Variants in ZNF484 observed in about 807,000 individuals in gnomAD.
ZNF484 encodes zinc finger protein 484, also known as KRAB box containing C2H2 type zinc finger bA526D8.4.
ZNF484 carries 11 observed loss-of-function variants against 12.9 expected under a neutral mutation model. That is an observed-to-expected ratio of 0.85 (90% CI 0.54 to 1.41). The LOEUF (loss-of-function observed/expected upper bound fraction) is 1.41, where lower values mean the gene tolerates loss of function less well. Ranked by LOEUF, ZNF484 falls within the 40% of genes most tolerant of loss-of-function variation. ZNF484 has a pLI of 0.00. For missense variants in ZNF484, 807 were observed against 1,007.7 expected (o/e 0.80, Z 2.70); for synonymous variants, 289 against 334.1 (o/e 0.86, Z 1.47).
At chr9:92,867,414 G>A (rs577077035) in intron 2 of ZNF484, among the ~76,000 whole-genome samples, 186 of 152,202 alleles carry the variant, frequency 1.2e-3, no homozygotes, top group African/African-American at 4.2e-3. Context: ...CCCGGGAGGC[G>A]GAGGTTGTGG....
intron 4 of ZNF484, among the ~76,000 whole-genome samples, chr9:92,851,717 TAC>T (rs1467775010): frequency 2.0e-5 from 3 of 152,226 alleles, no homozygotes; most frequent in Non-Finnish European, 4.4e-5. Flanking sequence ...AACCCAAACA[TAC>T]AGTCTTTTCA....
chr9:92,847,231 G>A lies in ZNF484; in HGVS notation c.1556C>T (p.Thr519Ile). ...SNLIKHQKIH[T>I]GEKPYKCSDC... Reference sequence around the variant, plus strand: ...GCTGCATTTATAAGGTTTCTCTCCAGTATGAATTTTTTGGTGCTTAATGAG... The same window carrying A: ...GCTGCATTTATAAGGTTTCTCTCCAATATGAATTTTTTGGTGCTTAATGAG... The change falls in exon 5 of 5, where the codon ACT (threonine) becomes ATT (isoleucine). Residue 519 changes from threonine to isoleucine, a missense_variant. Coordinates refer to ENST00000375495, the MANE Select transcript of ZNF484 (RefSeq NM_031486.4). 6.2e-7 allele frequency: 1 copy of A among 1,614,132 alleles called. No individual in the cohort carries two copies. Among genetic ancestry groups the A allele is most frequent in the Non-Finnish European group, 8.5e-7 (1 of 1,180,024 alleles).
At chr9:92,860,322 G>A (rs1856702733) in intron 2 of ZNF484, among the ~76,000 whole-genome samples, 1 of 152,158 alleles carries the variant, frequency 6.6e-6, no homozygotes, top group Non-Finnish European at 1.5e-5. Flanking sequence ...TATACTTGAG[G>A]CCAGGCGCGG....
chr9:92,877,741 C>G, intron 1 of ZNF484, 149 bp downstream of exon 1: 2 of 1,526,282 alleles, frequency 1.3e-6, no homozygotes, highest in Non-Finnish European at 8.8e-7. Flanking sequence ...TCAGTGCCCC[C>G]TCACTCCTCC....
At chr9:92,851,065 CACA>C (rs561011948) in intron 4 of ZNF484, among the ~76,000 whole-genome samples, 8 of 152,252 alleles carry the variant, frequency 5.3e-5, no homozygotes, top group Non-Finnish European at 8.8e-5. Context: ...ATGGCTGCTT[CACA>C]ACACTAGGTT....
intron 1 of ZNF484, among the ~76,000 whole-genome samples, chr9:92,876,812 C>T (rs2057457): frequency 0.67 from 101,492 of 152,024 alleles, 34,862 homozygotes; most frequent in African/African-American, 0.83. Flanking sequence ...ATTGTATCTC[C>T]TCCAGAATAT....
Position 92,846,761 on chromosome 9 carries a change from T to C in ZNF484, c.2026A>G (p.Lys676Glu). 6.2e-7 allele frequency: 1 copy of C among 1,614,044 alleles called. No homozygotes were observed. The highest frequency in any genetic ancestry group is 1.1e-5 in the South Asian group (1 of 91,080). Reference protein sequence around the residue: ...CSDCGKAFTRKSGLHIHQQSH... With the variant: ...CSDCGKAFTRESGLHIHQQSH... ...TGCTGATGTATATGGAGACCTGACT[T>C]CCTAGTGAAGGCTTTCCCACAGTCA... The change falls in exon 5 of 5, where the codon AAG becomes GAG. Residue 676 changes from lysine (K) to glutamate (E), a missense_variant. Coordinates refer to ENST00000375495, the MANE Select transcript of ZNF484 (RefSeq NM_031486.4).
In ZNF484 at chr9:92,877,901, C is replaced by T. The variant is rs1349314106; in HGVS notation, c.-42G>A. 3.3e-6 allele frequency: 5 copies of T among 1,533,566 alleles called. No homozygotes were observed. The highest frequency in any genetic ancestry group is 4.4e-6 in the Non-Finnish European group (5 of 1,145,102). The allele number at this position is 1,533,566 out of a possible 1,614,324, so 95.0% of individuals were successfully genotyped here. ...ATCCCTCTACTCACCTGCCCCTCAC[C>T]CACGTCCTCTCAGGACAGTGGTCAT... On this transcript the variant is annotated 5_prime_UTR_variant, in exon 1 of 5. Coordinates refer to ENST00000375495, the MANE Select transcript of ZNF484 (RefSeq NM_031486.4).
rs540404661 is a variant in ZNF484 at position 92,852,305 on chromosome 9, G to T, written c.235+3506C>A. ...TTTGTTTGTTTTTGTTTTTGTTTTT[G>T]TTTTCTGAGATAGAGTCTCACTTTG... On this transcript the variant is annotated intron_variant, in intron 4 of 4. Coordinates refer to ENST00000375495, the MANE Select transcript of ZNF484 (RefSeq NM_031486.4). Among the ~76,000 whole-genome samples, 756 of 152,180 alleles carry T rather than the reference G, an allele frequency of 5.0e-3. 4 individuals carry two copies. Among genetic ancestry groups the T allele is most frequent in the Middle Eastern group, 0.02 (6 of 294 alleles).
At chr9:92,870,685 A>G (rs935231416) in intron 2 of ZNF484, among the ~76,000 whole-genome samples, 1 of 152,214 alleles carries the variant, frequency 6.6e-6, no homozygotes, top group Non-Finnish European at 1.5e-5. Flanking sequence ...TGTCAAATGA[A>G]AACCCAAGAC....
chr9:92,875,097 G>T (rs1228949017), intron 1 of ZNF484, 38 bp from the exon 2 acceptor site: 35 of 1,600,252 alleles, frequency 2.2e-5, no homozygotes, highest in South Asian at 3.4e-5. Flanking sequence ...CATGAGAGAA[G>T]GAACTGTGCC....
intron 4 of ZNF484, among the ~76,000 whole-genome samples, chr9:92,850,796 C>T (rs1856028135): frequency 6.6e-6 from 1 of 152,056 alleles, no homozygotes; most frequent in African/African-American, 2.4e-5. Flanking sequence ...GGGGTTTCAC[C>T]ATGTTGGCCA....
rs753459673 is a variant in ZNF484 at position 92,846,882 on chromosome 9, G to T, written c.1905C>A (p.Pro635=). The change falls in exon 5 of 5, where the codon CCC becomes CCA. Residue 635 remains proline, a synonymous_variant. Transcript: ENST00000375495. ...CCTTTCCACATTCAGCACACCTATAGGGTTTCTCTCCTGTGTGAATCTGCT... is the reference window on the plus strand; with the variant it reads ...CCTTTCCACATTCAGCACACCTATATGGTTTCTCTCCTGTGTGAATCTGCT... The part of the protein sequence containing the change: ...VHQQIHTGEK[P]YRCAECGKAF... The T allele has an allele frequency of 5.3e-5, 85 of 1,612,246 alleles. No homozygotes were observed. Among genetic ancestry groups the T allele is most frequent in the Non-Finnish European group, 6.9e-5 (81 of 1,179,448 alleles).
intron 2 of ZNF484, among the ~76,000 whole-genome samples, chr9:92,873,145 TAGGC>T (rs547480139): frequency 5.9e-5 from 9 of 152,094 alleles, no homozygotes; most frequent in East Asian, 1.9e-4. Flanking sequence ...TCTCTCTCCA[TAGGC>T]AGGCAGGCAG....
At chr9:92,850,066 G>A (rs865964878) in intron 4 of ZNF484, among the ~76,000 whole-genome samples, 2 of 152,318 alleles carry the variant, frequency 1.3e-5, no homozygotes, top group African/African-American at 4.8e-5. Context: ...CTCCCAAAAT[G>A]TTGGGATTAC....
At chr9:92,877,817 G>A (rs1289168122) in intron 1 of ZNF484, 73 bp downstream of exon 1, 2 of 1,535,580 alleles carry the variant, frequency 1.3e-6, no homozygotes, top group African/African-American at 1.4e-5. Context: ...CCCCATCACT[G>A]ACCGGAAGGC....
chr9:92,861,391 C>T (rs1419409897), intron 2 of ZNF484, among the ~76,000 whole-genome samples: 1 of 152,082 alleles, frequency 6.6e-6, no homozygotes, highest in African/African-American at 2.4e-5. Context: ...AGTGTTGCAA[C>T]AAGCAGCTGT....
At position 92,846,210 on chromosome 9, in the gene ZNF484, A is replaced by G; in HGVS notation, c.*18T>C. 6.2e-7 allele frequency: 1 copy of G among 1,604,962 alleles called. No individual in the cohort carries two copies. Among genetic ancestry groups the G allele is most frequent in the East Asian group, 2.2e-5 (1 of 44,852 alleles). On this transcript the variant is annotated 3_prime_UTR_variant, in exon 5 of 5. Coordinates refer to ENST00000375495, the MANE Select transcript of ZNF484 (RefSeq NM_031486.4). ...TAACTACACATCAGCTATATGATCC[A>G]GATGTTCATAATTCTAACTAGATAG...
chr9:92,877,931 C>T lies in ZNF484; in HGVS notation c.-72G>A, dbSNP rs1466114983. ...TCCTCTCAGGACAGTGGTCATTTGCCTCGGGAGGTGACTATAGTCGCAAGA... is the reference window on the plus strand; with the variant it reads ...TCCTCTCAGGACAGTGGTCATTTGCTTCGGGAGGTGACTATAGTCGCAAGA... On this transcript the variant is annotated 5_prime_UTR_variant, in exon 1 of 5. Coordinates refer to ENST00000375495, the MANE Select transcript of ZNF484 (RefSeq NM_031486.4). 22 of 1,498,856 alleles carry T rather than the reference C, an allele frequency of 1.5e-5. No individual in the cohort carries two copies. Among genetic ancestry groups the T allele is most frequent in the Non-Finnish European group, 1.8e-5 (20 of 1,114,660 alleles). 92.8% of individuals were successfully genotyped at this position (1,498,856 alleles called of 1,614,324 possible).
Sources: allele counts gnomAD v4.1 joint callset (sites outside exome capture counted in the v4.1 genomes callset), GRCh38; gene constraint gnomAD v4.1.1; transcripts MANE v1.5; gene names NCBI Gene and HGNC (gene_info 2026-07-23, HGNC 2026-07-21).